The following HS3ST5 variants were observed in gnomAD, a reference collection of about 807,000 sequenced individuals.
HS3ST5 encodes the protein heparan sulfate glucosamine 3-O-sulfotransferase 5.
In HS3ST5, 10 loss-of-function variants were observed where a neutral mutation model predicts 25.4. That is an observed-to-expected ratio of 0.39 (90% CI 0.24 to 0.67). The LOEUF (loss-of-function observed/expected upper bound fraction) is 0.67, where lower values mean the gene tolerates loss of function less well. Among genes scored for constraint, HS3ST5 ranks in the 30% least tolerant of loss-of-function variants. HS3ST5 has a pLI of 0.44. For synonymous variants in HS3ST5, 170 were observed against 162.4 expected, an observed-to-expected ratio of 1.05 and a Z score of -0.36; for missense variants, 324 against 420.7, an observed-to-expected ratio of 0.77 and a Z score of 2.01.
intron 3 of HS3ST5, among the ~76,000 whole-genome samples, chr6:114,085,659 C>T (rs1774756010): frequency 6.6e-6 from 1 of 152,174 alleles, no homozygotes; most frequent in South Asian, 2.1e-4. Flanking sequence ...CAAAAATTCT[C>T]ACAGCAATAG....
At chr6:114,096,606 G>A (rs1252257682) in intron 3 of HS3ST5, among the ~76,000 whole-genome samples, 1 of 152,102 alleles carries the variant, frequency 6.6e-6, no homozygotes, top group African/African-American at 2.4e-5. Context: ...AATTTGTGTG[G>A]TACATAAAGG....
At chr6:114,199,790 A>C (rs1780927671) in intron 2 of HS3ST5, among the ~76,000 whole-genome samples, 1 of 152,182 alleles carries the variant, frequency 6.6e-6, no homozygotes, top group Admixed American at 6.5e-5. Flanking sequence ...TTTCTTAAGG[A>C]CATGAGAGTC....
At chr6:114,133,492 T>G (rs887016117) in intron 3 of HS3ST5, among the ~76,000 whole-genome samples, 2 of 152,172 alleles carry the variant, frequency 1.3e-5, no homozygotes, top group Non-Finnish European at 2.9e-5. Context: ...AGTGGTGGTG[T>G]TTTCCTTGTT....
chr6:114,181,679 C>T (rs1404410690), intron 2 of HS3ST5, among the ~76,000 whole-genome samples: 1 of 152,186 alleles, frequency 6.6e-6, no homozygotes, highest in Non-Finnish European at 1.5e-5. Flanking sequence ...TCCTGAAGAA[C>T]ACCAGAGTAC....
At chr6:114,070,379 T>C (rs1773741339) in intron 3 of HS3ST5, among the ~76,000 whole-genome samples, 1 of 151,938 alleles carries the variant, frequency 6.6e-6, no homozygotes, top group African/African-American at 2.4e-5. Flanking sequence ...AAAATACTAA[T>C]AAGTAATGAT....
intron 2 of HS3ST5, among the ~76,000 whole-genome samples, chr6:114,214,001 G>A (rs1486038056): frequency 1.3e-5 from 2 of 152,076 alleles, no homozygotes; most frequent in Non-Finnish European, 2.9e-5. Context: ...CCCTTTTCCT[G>A]ATTTTAAGCC....
At chr6:114,058,237 C>T (rs776926240) in intron 4 of HS3ST5, 47 bp from the exon 5 acceptor site, 17 of 1,434,218 alleles carry the variant, frequency 1.2e-5, no homozygotes, top group Non-Finnish European at 1.6e-5. Flanking sequence ...ACTAACTTTT[C>T]ATTTTTCTGG....
chr6:114,264,649 T>A (rs1301622281), intron 1 of HS3ST5, among the ~76,000 whole-genome samples: 1 of 152,180 alleles, frequency 6.6e-6, no homozygotes, highest in Non-Finnish European at 1.5e-5. Flanking sequence ...TTTTTCATGT[T>A]CATTCCATTA....
At chr6:114,095,531 G>A (rs1412293733) in intron 3 of HS3ST5, among the ~76,000 whole-genome samples, 1 of 152,158 alleles carries the variant, frequency 6.6e-6, no homozygotes. Flanking sequence ...ACTGATAGGC[G>A]ATTTAACTGA....
chr6:114,250,491 G>T (rs1772606378), intron 1 of HS3ST5, among the ~76,000 whole-genome samples: 1 of 151,594 alleles, frequency 6.6e-6, no homozygotes, highest in East Asian at 1.9e-4. Context: ...TGAGGCAGGA[G>T]AATGGCGTGA....
chr6:114,232,765 C>G (rs1429924620), intron 1 of HS3ST5, among the ~76,000 whole-genome samples: 2 of 152,014 alleles, frequency 1.3e-5, no homozygotes, highest in Admixed American at 1.3e-4. Flanking sequence ...ATTTTACTTC[C>G]TAAATAATTT....
At chr6:114,112,118 A>C (rs1158167678) in intron 3 of HS3ST5, among the ~76,000 whole-genome samples, 1 of 152,226 alleles carries the variant, frequency 6.6e-6, no homozygotes, top group Non-Finnish European at 1.5e-5. Flanking sequence ...TGGGCAGAAT[A>C]ATGGCTACCT....
chr6:114,222,616 T>C (rs925982), intron 2 of HS3ST5, among the ~76,000 whole-genome samples: 63,592 of 151,574 alleles, frequency 0.42, 14,449 homozygotes, highest in South Asian at 0.65. Context: ...TGATGACGCA[T>C]GATAGAAATG....
intron 3 of HS3ST5, among the ~76,000 whole-genome samples, chr6:114,147,107 G>A (rs931969431): frequency 1.3e-5 from 2 of 152,068 alleles, no homozygotes; most frequent in African/African-American, 2.4e-5. Flanking sequence ...GGACTCTGTG[G>A]GCAAAGTCAA....
intron 2 of HS3ST5, among the ~76,000 whole-genome samples, chr6:114,191,387 C>T (rs928606): frequency 0.42 from 63,301 of 151,960 alleles, 14,376 homozygotes; most frequent in South Asian, 0.65. Context: ...AGAAAAAACA[C>T]ATGAAAATAG....
At chr6:114,319,348 G>C (rs1562274683) in intron 1 of HS3ST5, among the ~76,000 whole-genome samples, 1 of 152,080 alleles carries the variant, frequency 6.6e-6, no homozygotes, top group South Asian at 2.1e-4. Flanking sequence ...CTGCCTAGGA[G>C]AATAATTTTT....
intron 1 of HS3ST5, chr6:114,235,687 GT>G (rs1483379639): frequency 9.2e-5 from 14 of 152,230 alleles, no homozygotes; most frequent in Admixed American, 6.5e-5. Context: ...TTGGAACGTG[GT>G]TTGAACACCA....
chr6:114,276,884 T>G (rs1431805648), intron 1 of HS3ST5, among the ~76,000 whole-genome samples: 1 of 151,996 alleles, frequency 6.6e-6, no homozygotes, highest in African/African-American at 2.4e-5. Context: ...TGTATTTATG[T>G]AAGGAAATAA....
chr6:114,218,215 C>T (rs1329652561), intron 2 of HS3ST5, among the ~76,000 whole-genome samples: 2 of 152,122 alleles, frequency 1.3e-5, no homozygotes, highest in Non-Finnish European at 2.9e-5. Context: ...CCAGGCTGGT[C>T]TCAAACCCCT....
Sources: allele counts gnomAD v4.1 joint callset (sites outside exome capture counted in the v4.1 genomes callset), GRCh38; gene constraint gnomAD v4.1.1; transcripts MANE v1.5; gene names NCBI Gene and HGNC (gene_info 2026-07-23, HGNC 2026-07-21).